PGPEP1L: variants seen among roughly 807,000 people sequenced by gnomAD.
PGPEP1L encodes pyroglutamyl-peptidase 1-like protein.
PGPEP1L carries 7 observed loss-of-function variants against 6.0 expected under a neutral mutation model. The observed-to-expected ratio is 1.17, with a 90% CI of 0.66 to 2.19. The LOEUF is 2.19. Among genes scored for constraint, PGPEP1L ranks in the 30% most tolerant of loss-of-function variants. The pLI, the probability that PGPEP1L is intolerant of heterozygous loss-of-function variation, is 0.00. For synonymous variants in PGPEP1L, 103 were observed against 83.9 expected (o/e 1.23, Z -1.24); for missense variants, 209 against 192.5 (o/e 1.09, Z -0.51).
chr15:99,001,242 C>G (rs1555472985), intron 2 of PGPEP1L: 1 of 377,486 alleles, frequency 2.6e-6, no homozygotes, highest in Non-Finnish European at 5.3e-6. Context: ...CCCACCAATT[C>G]TGGACACACT....
intron 2 of PGPEP1L, among the ~76,000 whole-genome samples, chr15:98,975,188 G>A (rs1027136070): frequency 6.6e-6 from 1 of 152,194 alleles, no homozygotes; most frequent in African/African-American, 2.4e-5. Flanking sequence ...GATAGAACTG[G>A]AGGTCATTAT....
chr15:99,004,552 T>C (rs1555473386), intron 2 of PGPEP1L, among the ~76,000 whole-genome samples: 1 of 151,962 alleles, frequency 6.6e-6, no homozygotes, highest in Non-Finnish European at 1.5e-5. Context: ...ACCCCATCTC[T>C]ACTAAAAATA....
At chr15:98,996,696 C>T (rs1359056583) in intron 2 of PGPEP1L, among the ~76,000 whole-genome samples, 5 of 151,944 alleles carry the variant, frequency 3.3e-5, no homozygotes, top group Admixed American at 1.3e-4. Context: ...CATGTGTGCA[C>T]GCGTGGGTAC....
intron 1 of PGPEP1L, among the ~76,000 whole-genome samples, chr15:99,006,884 G>A (rs2151769486): frequency 6.6e-6 from 1 of 152,256 alleles, no homozygotes; most frequent in East Asian, 1.9e-4. Context: ...ATGATTCTCT[G>A]TCCCCATCTA....
At chr15:98,969,015 G>T (rs1200427253) in intron 4 of PGPEP1L, among the ~76,000 whole-genome samples, 1 of 152,202 alleles carries the variant, frequency 6.6e-6, no homozygotes, top group Non-Finnish European at 1.5e-5. Flanking sequence ...ACTGGGGAAA[G>T]GGGAAAAACC....
chr15:98,980,141 T>A (rs1397753557), intron 2 of PGPEP1L, among the ~76,000 whole-genome samples: 1 of 152,146 alleles, frequency 6.6e-6, no homozygotes, highest in East Asian at 1.9e-4. Flanking sequence ...AAGAACTTAC[T>A]CATGTGACCA....
In PGPEP1L at chr15:98,987,165, CAAAAAAAAAAA is replaced by C. The variant is rs57923635; in HGVS notation, c.-141-16018_-141-16008del. On this transcript the variant is annotated intron_variant, in intron 2 of 4. Coordinates refer to ENST00000535714, the MANE Select transcript of PGPEP1L (RefSeq NM_001167902.2). Reference sequence around the variant, plus strand: ...TGGGTGACAGAGTGAGACTCCATCTCAAAAAAAAAAAAAAAAAAAAAAAAAAAAAAGAGAGC... The same window carrying C: ...TGGGTGACAGAGTGAGACTCCATCTCAAAAAAAAAAAAAAAAAAAGAGAGC... Among the ~76,000 whole-genome samples the C allele has an allele frequency of 7.6e-3, 253 of 33,400 alleles. 3 individuals carry two copies. Among genetic ancestry groups the C allele is most frequent in the African/African-American group, 0.025 (224 of 8,798 alleles). 21.9% of individuals were successfully genotyped at this position (33,400 alleles called of 152,430 possible). A position where few individuals can be genotyped will look rare whatever the true frequency, so the allele number is the denominator to read the frequency against.
chr15:98,969,685 G>A, intron 3 of PGPEP1L, 34 bp from the exon 4 acceptor site: 2 of 1,597,666 alleles, frequency 1.3e-6, no homozygotes, highest in Non-Finnish European at 1.7e-6. Context: ...GAGAACCCAG[G>A]AAAACGAGGC....
At chr15:98,984,103 C>T (rs1038277518) in intron 2 of PGPEP1L, among the ~76,000 whole-genome samples, 10 of 150,174 alleles carry the variant, frequency 6.7e-5, no homozygotes, top group African/African-American at 9.9e-5. Context: ...ATCTGCTTCC[C>T]GGGTTCACAC....
chr15:98,984,348 T>C (rs140849202), intron 2 of PGPEP1L, among the ~76,000 whole-genome samples: 60 of 152,238 alleles, frequency 3.9e-4, no homozygotes, highest in African/African-American at 1.4e-3. Flanking sequence ...GGTAATGCTC[T>C]TGATATTGAT....
At chr15:98,998,904 G>A (rs2017922648) in intron 2 of PGPEP1L, among the ~76,000 whole-genome samples, 1 of 152,198 alleles carries the variant, frequency 6.6e-6, no homozygotes, top group African/African-American at 2.4e-5. Context: ...GAACCCGGAA[G>A]GCAGAGGTTG....
At chr15:98,985,594 T>G (rs143026181) in intron 2 of PGPEP1L, among the ~76,000 whole-genome samples, 1 of 152,272 alleles carries the variant, frequency 6.6e-6, no homozygotes, top group East Asian at 1.9e-4. Flanking sequence ...GAAGTGATCC[T>G]CTTCCTCTGA....
At chr15:98,996,349 C>A (rs1029656710) in intron 2 of PGPEP1L, among the ~76,000 whole-genome samples, 1 of 152,192 alleles carries the variant, frequency 6.6e-6, no homozygotes, top group African/African-American at 2.4e-5. Flanking sequence ...CCTTAAGGGA[C>A]TGACTTAAAG....
intron 2 of PGPEP1L, among the ~76,000 whole-genome samples, chr15:98,977,780 T>C (rs184931571): frequency 5.3e-4 from 81 of 152,376 alleles, no homozygotes; most frequent in Middle Eastern, 3.4e-3. Flanking sequence ...AATCGTTGAC[T>C]ATTAACTGTG....
chr15:99,006,803 ATATTCT>A (rs2018073640), intron 1 of PGPEP1L, among the ~76,000 whole-genome samples: 1 of 151,280 alleles, frequency 6.6e-6, no homozygotes, highest in Admixed American at 6.6e-5. Flanking sequence ...GTCTCTAAAA[ATATTCT>A]TAAACTTTTT....
chr15:98,991,802 A>T (rs1202194218), intron 2 of PGPEP1L, among the ~76,000 whole-genome samples: 2 of 152,238 alleles, frequency 1.3e-5, no homozygotes, highest in African/African-American at 4.8e-5. Flanking sequence ...GGTTCAACAT[A>T]TGCAAATCAA....
intron 1 of PGPEP1L, among the ~76,000 whole-genome samples, chr15:99,006,976 C>T (rs142793280): frequency 1.3e-4 from 20 of 152,316 alleles, no homozygotes; most frequent in Middle Eastern, 3.4e-3. Flanking sequence ...CTCAGTGTGA[C>T]AGCAGGACCA....
chr15:98,985,811 G>C (rs1281419194), intron 2 of PGPEP1L, among the ~76,000 whole-genome samples: 1 of 152,184 alleles, frequency 6.6e-6, no homozygotes, highest in East Asian at 1.9e-4. Context: ...AGAATTCAAT[G>C]AACTACTCTG....
chr15:98,981,609 T>C (rs576572645), intron 2 of PGPEP1L, among the ~76,000 whole-genome samples: 1 of 152,176 alleles, frequency 6.6e-6, no homozygotes, highest in South Asian at 2.1e-4. Context: ...TGTGGTGTTC[T>C]GGCTGAGATT....
Sources: allele counts gnomAD v4.1 joint callset (sites outside exome capture counted in the v4.1 genomes callset), GRCh38; gene constraint gnomAD v4.1.1; transcripts MANE v1.5; gene names NCBI Gene and HGNC (gene_info 2026-07-23, HGNC 2026-07-21).